The following L3MBTL3 variants were observed in gnomAD, a reference collection of about 807,000 sequenced individuals.
L3MBTL3 encodes the protein L3MBTL histone methyl-lysine binding protein 3.
Under a neutral mutation model 102.3 loss-of-function variants are expected in L3MBTL3, and 27 were observed. The ratio of observed to expected loss-of-function variants is 0.26; its 90% CI spans 0.19 to 0.36. The LOEUF (loss-of-function observed/expected upper bound fraction) is 0.36, where lower values mean the gene tolerates loss of function less well. Ranked by LOEUF, L3MBTL3 falls within the 10% of genes least tolerant of loss-of-function variation. The pLI, the probability that L3MBTL3 is intolerant of heterozygous loss-of-function variation, is 1.00. For missense variants in L3MBTL3, 798 were observed against 955.3 expected (o/e 0.84, Z 2.17); for synonymous variants, 340 against 320.9 (o/e 1.06, Z -0.64).
chr6:130,076,593 T>C (rs1782965691), intron 13 of L3MBTL3, among the ~76,000 whole-genome samples: 1 of 152,200 alleles, frequency 6.6e-6, no homozygotes, highest in African/African-American at 2.4e-5. Flanking sequence ...AAATGGAGGC[T>C]TCTTTCATGA....
chr6:130,101,978 G>T (rs1229094460), intron 18 of L3MBTL3, among the ~76,000 whole-genome samples: 2 of 152,086 alleles, frequency 1.3e-5, no homozygotes, highest in Admixed American at 1.3e-4. Flanking sequence ...ATTTTGCTGA[G>T]CTACTTCATT....
At chr6:130,044,608 A>C (rs116062952) in intron 3 of L3MBTL3, among the ~76,000 whole-genome samples, 1 of 152,182 alleles carries the variant, frequency 6.6e-6, no homozygotes, top group Non-Finnish European at 1.5e-5. Context: ...TTTGATAATG[A>C]CTTTCAGACC....
chr6:130,048,612 T>G (rs7755652), intron 3 of L3MBTL3, among the ~76,000 whole-genome samples: 71,715 of 152,114 alleles, frequency 0.47, 19,573 homozygotes, highest in East Asian at 0.76. Flanking sequence ...ATGTAGCTAG[T>G]AGACTACTTG....
intron 19 of L3MBTL3, among the ~76,000 whole-genome samples, chr6:130,120,612 A>G (rs1178704263): frequency 6.6e-6 from 1 of 152,266 alleles, no homozygotes; most frequent in Non-Finnish European, 1.5e-5. Context: ...TGAATTATTC[A>G]ATAGCTACAT....
chr6:130,101,360 T>C (rs963994362), intron 18 of L3MBTL3, among the ~76,000 whole-genome samples: 2 of 152,208 alleles, frequency 1.3e-5, no homozygotes, highest in African/African-American at 4.8e-5. Context: ...CTGAGACATC[T>C]GAGTAGAAAT....
chr6:130,090,676 G>T (rs887313331), intron 16 of L3MBTL3, among the ~76,000 whole-genome samples: 1 of 151,994 alleles, frequency 6.6e-6, no homozygotes, highest in South Asian at 2.1e-4. Context: ...GCTCACTGTA[G>T]CCTCAACCTC....
At position 130,139,867 on chromosome 6, in the gene L3MBTL3, C is replaced by T; in HGVS notation, c.*114C>T. On this transcript the variant is annotated 3_prime_UTR_variant, in exon 23 of 23. Coordinates refer to ENST00000361794, the MANE Select transcript of L3MBTL3 (RefSeq NM_032438.4). ...AAGTCTCCAAAACTCAAAAGAGCAACACTATCGGATTATTTATATTACTCA... is the reference window on the plus strand; with the variant it reads ...AAGTCTCCAAAACTCAAAAGAGCAATACTATCGGATTATTTATATTACTCA... 1 of 894,510 alleles carries T rather than the reference C, an allele frequency of 1.1e-6. No individual in the cohort carries two copies. Among genetic ancestry groups the T allele is most frequent in the Non-Finnish European group, 1.7e-6 (1 of 577,142 alleles). The allele number at this position is 894,510 out of a possible 1,614,324, so 55.4% of individuals were successfully genotyped here.
In L3MBTL3 at chr6:130,026,264, A is replaced by G. The variant is rs1028461420; in HGVS notation, c.-16+3959A>G. Among the ~76,000 whole-genome samples the G allele has an allele frequency of 1.9e-4, 29 of 152,222 alleles. 1 individual carries two copies. The highest frequency in any genetic ancestry group is 3.4e-3 in the Middle Eastern group (1 of 294). On this transcript the variant is annotated intron_variant, in intron 2 of 22. Coordinates refer to ENST00000361794, the MANE Select transcript of L3MBTL3 (RefSeq NM_032438.4). ...CCAGGTACTGTTCTAGGCACTGACT[A>G]TTACCTCTCATACTTTCACTAACCT...
intron 7 of L3MBTL3, among the ~76,000 whole-genome samples, chr6:130,054,025 T>C (rs774792192): frequency 6.8e-4 from 103 of 152,336 alleles, no homozygotes; most frequent in Non-Finnish European, 1.2e-3. Context: ...GCATTAGGAT[T>C]GGCTGACTAC....
chr6:130,061,104 AGAT>A (rs1781870708), intron 10 of L3MBTL3, among the ~76,000 whole-genome samples: 1 of 97,686 alleles, frequency 1.0e-5, no homozygotes, highest in African/African-American at 4.0e-5. Context: ...TTTTTTTTTG[AGAT>A]GGAGTCTCAC....
At chr6:130,121,491 T>G (rs1461633542) in intron 20 of L3MBTL3, among the ~76,000 whole-genome samples, 5 of 152,242 alleles carry the variant, frequency 3.3e-5, no homozygotes, top group Non-Finnish European at 5.9e-5. Context: ...TATTGTTTAG[T>G]ATCAATATAG....
intron 19 of L3MBTL3, among the ~76,000 whole-genome samples, chr6:130,111,017 T>G (rs1022700214): frequency 6.6e-6 from 1 of 152,234 alleles, no homozygotes; most frequent in Non-Finnish European, 1.5e-5. Flanking sequence ...AAGAATTTAC[T>G]AAAATTTGGT....
At chr6:130,039,343 TATC>T (rs1379463730) in intron 2 of L3MBTL3, among the ~76,000 whole-genome samples, 6 of 152,178 alleles carry the variant, frequency 3.9e-5, no homozygotes, top group African/African-American at 1.4e-4. Flanking sequence ...ATTTCTTTGA[TATC>T]ATAAAATATC....
intron 2 of L3MBTL3, among the ~76,000 whole-genome samples, chr6:130,035,249 G>T (rs190256370): frequency 6.6e-5 from 10 of 152,302 alleles, no homozygotes; most frequent in Admixed American, 6.5e-4. Flanking sequence ...TCCTCATAGG[G>T]GTTTTTGAAT....
chr6:130,023,954 A>G (rs1452563419), intron 2 of L3MBTL3, among the ~76,000 whole-genome samples: 3 of 152,192 alleles, frequency 2.0e-5, no homozygotes, highest in African/African-American at 2.4e-5. Flanking sequence ...GGTGCGGAAT[A>G]CAAAACCGGA....
intron 22 of L3MBTL3, among the ~76,000 whole-genome samples, chr6:130,135,118 T>C (rs1283972967): frequency 6.7e-6 from 1 of 148,778 alleles, no homozygotes; most frequent in Non-Finnish European, 1.5e-5. Context: ...TGCTCTTCTC[T>C]CCTGGGCTAG....
intron 18 of L3MBTL3, among the ~76,000 whole-genome samples, chr6:130,097,923 C>T (rs977644073): frequency 4.6e-5 from 7 of 152,096 alleles, no homozygotes; most frequent in South Asian, 2.1e-4. Context: ...CAAAATTAGC[C>T]GGATGTGGTG....
At chr6:130,119,470 A>T (rs1474624400) in intron 19 of L3MBTL3, among the ~76,000 whole-genome samples, 1 of 152,220 alleles carries the variant, frequency 6.6e-6, no homozygotes, top group Non-Finnish European at 1.5e-5. Context: ...TTATTTTTAC[A>T]TAGAAAACAC....
At chr6:130,122,629 A>G (rs1786309223) in intron 20 of L3MBTL3, among the ~76,000 whole-genome samples, 1 of 152,228 alleles carries the variant, frequency 6.6e-6, no homozygotes. Flanking sequence ...AATGTTTCTG[A>G]TTATGGAAAA....
Sources: allele counts gnomAD v4.1 joint callset (sites outside exome capture counted in the v4.1 genomes callset), GRCh38; gene constraint gnomAD v4.1.1; transcripts MANE v1.5; gene names NCBI Gene and HGNC (gene_info 2026-07-23, HGNC 2026-07-21).